The following ZNF718 variants were observed in gnomAD, a reference collection of about 807,000 sequenced individuals.
ZNF718 encodes zinc finger protein 718.
A neutral mutation model predicts 2.6 loss-of-function variants in ZNF718; 3 were observed. The ratio of observed to expected loss-of-function variants is 1.16; its 90% CI spans 0.53 to 3.01. The LOEUF (loss-of-function observed/expected upper bound fraction) is 3.01. Among genes scored for constraint, ZNF718 ranks in the 30% most tolerant of loss-of-function variants. ZNF718 has a pLI of 0.03. For missense variants in ZNF718, 468 were observed against 230.0 expected (o/e 2.03, Z -6.69); for synonymous variants, 135 against 77.9 (o/e 1.73, Z -3.86).
intron 3 of ZNF718, among the ~76,000 whole-genome samples, chr4:181,185 T>TC (rs1717456257): frequency 6.9e-6 from 1 of 144,942 alleles, no homozygotes; most frequent in African/African-American, 2.6e-5. Context: ...TTTTTTTTTT[T>TC]CGTAGACATG....
intron 3 of ZNF718, among the ~76,000 whole-genome samples, chr4:156,030 T>C (rs1716552396): frequency 6.6e-6 from 1 of 152,188 alleles, no homozygotes; most frequent in African/African-American, 2.4e-5. Context: ...CTTATTCTCT[T>C]TCGTCTACCA....
At chr4:171,498 C>T (rs1553817975) in intron 3 of ZNF718, among the ~76,000 whole-genome samples, 3 of 152,064 alleles carry the variant, frequency 2.0e-5, no homozygotes, top group South Asian at 2.1e-4. Context: ...CCACCGAGTT[C>T]GAGTTTCCTG....
At chr4:154,400 T>C (rs77893073) in intron 3 of ZNF718, among the ~76,000 whole-genome samples, 2,472 of 152,070 alleles carry the variant, frequency 0.016, 76 homozygotes, top group African/African-American at 0.056. Context: ...GACAGGAAAA[T>C]GTGGGAAAGT....
At chr4:189,517 A>AAT (rs1178807458) in intron 3 of ZNF718, among the ~76,000 whole-genome samples, 22 of 152,280 alleles carry the variant, frequency 1.4e-4, no homozygotes, top group African/African-American at 4.8e-4. Flanking sequence ...AAACTTTATT[A>AAT]GTTCAAGTAA....
At chr4:181,164 T>C (rs868945613) in intron 3 of ZNF718, among the ~76,000 whole-genome samples, 21 of 137,768 alleles carry the variant, frequency 1.5e-4, no homozygotes, top group Admixed American at 7.3e-4. Context: ...CCAGCTTTTT[T>C]TTTTTTTTTT....
At chr4:183,569 T>G (rs1285048757) in intron 3 of ZNF718, among the ~76,000 whole-genome samples, 2 of 152,224 alleles carry the variant, frequency 1.3e-5, no homozygotes, top group Non-Finnish European at 2.9e-5. Context: ...GGAATAGCAT[T>G]GAATTGAATC....
chr4:126,146 G>A (rs1553807976), intron 1 of ZNF718, among the ~76,000 whole-genome samples: 1 of 152,122 alleles, frequency 6.6e-6, no homozygotes, highest in African/African-American at 2.4e-5. Flanking sequence ...CCTCTTTTCT[G>A]TGCATACAGT....
chr4:126,829 CTTTT>C (rs568758270), intron 1 of ZNF718, among the ~76,000 whole-genome samples: 6 of 141,678 alleles, frequency 4.2e-5, no homozygotes, highest in East Asian at 2.0e-4. Context: ...TAATTTTTCT[CTTTT>C]TTTTTTTTTT....
intron 3 of ZNF718, among the ~76,000 whole-genome samples, chr4:176,924 G>T (rs549631996): frequency 6.6e-6 from 1 of 152,272 alleles, no homozygotes; most frequent in African/African-American, 2.4e-5. Flanking sequence ...AACTCTTTCT[G>T]CATTCATTCT....
intron 3 of ZNF718, among the ~76,000 whole-genome samples, chr4:195,166 A>T (rs1229032436): frequency 4.6e-5 from 7 of 152,174 alleles, no homozygotes; most frequent in Admixed American, 2.6e-4. Flanking sequence ...TATAAACAAC[A>T]GTTCTTATGC....
intron 3 of ZNF718, among the ~76,000 whole-genome samples, chr4:143,773 A>G (rs1290024026): frequency 1.3e-5 from 2 of 152,154 alleles, no homozygotes; most frequent in African/African-American, 4.8e-5. Context: ...AGCCAGTTCC[A>G]GGTGAAAACA....
intron 1 of ZNF718, among the ~76,000 whole-genome samples, chr4:125,857 A>G (rs189657143): frequency 2.6e-3 from 395 of 152,294 alleles, no homozygotes; most frequent in African/African-American, 9.2e-3. Flanking sequence ...TTGCTCCTAC[A>G]GTTTTCTGCC....
intron 3 of ZNF718, among the ~76,000 whole-genome samples, chr4:171,361 C>A (rs1460818032): frequency 6.6e-6 from 1 of 152,194 alleles, no homozygotes; most frequent in Non-Finnish European, 1.5e-5. Flanking sequence ...CCAGTGCTCT[C>A]TTCAAGGCTG....
In ZNF718 at chr4:162,324, A is replaced by C. The variant is rs66526558; in HGVS notation, c.*202A>C. ...AAAAGCCTTCAAATGCTTGTCACAT[A>C]TTACTGAATATAATTCTTACTGCAG... On this transcript the variant is annotated 3_prime_UTR_variant, in exon 4 of 4. Transcript: ENST00000510175. The C allele has an allele frequency of 0.77, 352,745 of 460,370 alleles. 136,566 individuals are homozygous for C. The highest frequency in any genetic ancestry group is 0.99 in the East Asian group (31,282 of 31,720). 28.5% of individuals were successfully genotyped at this position (460,370 alleles called of 1,614,324 possible). A position where few individuals can be genotyped will look rare whatever the true frequency, so the allele number is the denominator to read the frequency against.
At chr4:141,899 G>A in intron 3 of ZNF718, 1 of 376,266 alleles carries the variant, frequency 2.7e-6, no homozygotes, top group South Asian at 2.0e-5. Flanking sequence ...ATTTCATTCA[G>A]TTGTTATTTT....
chr4:170,775 C>G (rs1397776027), intron 3 of ZNF718, among the ~76,000 whole-genome samples: 1 of 152,024 alleles, frequency 6.6e-6, no homozygotes, highest in Non-Finnish European at 1.5e-5. Flanking sequence ...TTTTTAACTT[C>G]TTTGCCATGG....
At position 161,456 on chromosome 4, in the gene ZNF718, T is replaced by C. The variant is rs782812640; in HGVS notation, c.771T>C (p.Cys257=). The C allele has an allele frequency of 2.7e-5, 21 of 778,964 alleles. No homozygotes were observed. Among genetic ancestry groups the C allele is most frequent in the Admixed American group, 1.9e-4 (11 of 58,972 alleles). 48.3% of individuals were successfully genotyped at this position (778,964 alleles called of 1,614,324 possible). A position where few individuals can be genotyped will look rare whatever the true frequency, so the allele number is the denominator to read the frequency against. The change falls in exon 4 of 4, where the codon TGT becomes TGC. Residue 257 remains cysteine, a synonymous_variant. Transcript: ENST00000510175. Reference sequence around the variant, plus strand: ...ATACTGGAGAGAAACCCTACATATGTGAAAAATGTGGTAAAGCTTTTAACC... The same window carrying C: ...ATACTGGAGAGAAACCCTACATATGCGAAAAATGTGGTAAAGCTTTTAACC... ...RIHTGEKPYI[C]EKCGKAFNQS...
chr4:163,135 A>C lies in ZNF718; in HGVS notation c.*1013A>C, dbSNP rs961308032. On this transcript the variant is annotated 3_prime_UTR_variant, in exon 4 of 4. Transcript: ENST00000510175. ...TTGTTTATATGAAAGCATGTGATGA[A>C]TTGTTGCATCAGAGGTATGAGTGAT... The C allele has an allele frequency of 6.6e-6, 1 of 152,048 alleles. No homozygotes were observed. The highest frequency in any genetic ancestry group is 2.4e-5 in the African/African-American group (1 of 41,410). 9.4% of individuals were successfully genotyped at this position (152,048 alleles called of 1,614,324 possible). A position where few individuals can be genotyped will look rare whatever the true frequency, so the allele number is the denominator to read the frequency against.
chr4:163,718 G>A lies in ZNF718; in HGVS notation c.*1596G>A, dbSNP rs1717008415. The A allele has an allele frequency of 6.6e-6, 1 of 152,082 alleles. No individual in the cohort carries two copies. The highest frequency in any genetic ancestry group is 2.4e-5 in the African/African-American group (1 of 41,406). 9.4% of individuals were successfully genotyped at this position (152,082 alleles called of 1,614,324 possible). A position where few individuals can be genotyped will look rare whatever the true frequency, so the allele number is the denominator to read the frequency against. On this transcript the variant is annotated 3_prime_UTR_variant, in exon 4 of 4. Transcript: ENST00000510175. ...AAGATTGTGTGTGAACCTTACTCAA[G>A]GGTGTAGGTAAAAAATGGTAACAGT...
Sources: gnomAD v4.1 joint callset for allele counts (sites outside exome capture counted in the v4.1 genomes callset) on GRCh38, gnomAD v4.1.1 for gene constraint, MANE v1.5 for transcripts, NCBI Gene and HGNC (gene_info 2026-07-23, HGNC 2026-07-21) for gene names.